Variants in XKR6 observed in about 807,000 individuals in gnomAD.
XKR6 encodes XK related 6, also known as XK-related protein 6.
A neutral mutation model predicts 56.7 loss-of-function variants in XKR6; 22 were observed. The ratio of observed to expected loss-of-function variants is 0.39; its 90% CI spans 0.28 to 0.55. XKR6 has a LOEUF of 0.55. Among genes scored for constraint, XKR6 ranks in the 20% least tolerant of loss-of-function variants. The probability of loss-of-function intolerance (pLI) is 0.66; values close to 1 mark genes in which losing one functional copy is unlikely to be tolerated. For missense variants in XKR6, 852 were observed against 889.0 expected (o/e 0.96, Z 0.53); for synonymous variants, 524 against 387.8 (o/e 1.35, Z -4.13).
At chr8:11,016,407 G>A (rs1024128694) in intron 1 of XKR6, among the ~76,000 whole-genome samples, 7 of 152,222 alleles carry the variant, frequency 4.6e-5, no homozygotes, top group African/African-American at 1.4e-4. Flanking sequence ...GGGTCCTAGT[G>A]CCACCGGACG....
At chr8:11,088,274 A>G (rs1797957009) in intron 1 of XKR6, among the ~76,000 whole-genome samples, 1 of 152,230 alleles carries the variant, frequency 6.6e-6, no homozygotes, top group Non-Finnish European at 1.5e-5. Flanking sequence ...AGGATTTCAC[A>G]GAAACCCAAT....
chr8:10,950,151 G>C (rs902263676), intron 1 of XKR6, among the ~76,000 whole-genome samples: 6 of 152,288 alleles, frequency 3.9e-5, no homozygotes, highest in African/African-American at 1.4e-4. Flanking sequence ...GGGAGGGGCA[G>C]CTTCCCAACA....
At chr8:11,145,568 A>C (rs1353958963) in intron 1 of XKR6, among the ~76,000 whole-genome samples, 1 of 152,230 alleles carries the variant, frequency 6.6e-6, no homozygotes, top group African/African-American at 2.4e-5. Context: ...ATTTCTATAA[A>C]AATAAACTAA....
chr8:11,147,854 C>G (rs939055219), intron 1 of XKR6, among the ~76,000 whole-genome samples: 2 of 152,064 alleles, frequency 1.3e-5, no homozygotes, highest in African/African-American at 2.4e-5. Flanking sequence ...ATAGGAAGGC[C>G]TAATTCCCAG....
intron 1 of XKR6, among the ~76,000 whole-genome samples, chr8:10,954,988 T>A (rs1801839936): frequency 1.3e-5 from 2 of 151,236 alleles, no homozygotes; most frequent in African/African-American, 4.9e-5. Flanking sequence ...CCAGCCTCAG[T>A]CTCCCGAGTA....
At chr8:11,111,884 A>T (rs1010087954) in intron 1 of XKR6, 7 of 152,240 alleles carry the variant, frequency 4.6e-5, no homozygotes, top group African/African-American at 1.7e-4. Context: ...ACCAAAAAAA[A>T]TTGCAAACCT....
intron 1 of XKR6, chr8:11,138,174 T>C (rs1433504356): frequency 1.3e-5 from 2 of 158,604 alleles, no homozygotes; most frequent in African/African-American, 2.4e-5. Context: ...AATGCAAAGA[T>C]CATACGAAAA....
chr8:11,035,240 G>A (rs1013579990), intron 1 of XKR6: 8 of 534,632 alleles, frequency 1.5e-5, no homozygotes, highest in South Asian at 7.0e-5. Context: ...CAACGATGAC[G>A]TAGCACCCCA....
chr8:10,987,333 A>G (rs1466209992), intron 1 of XKR6, among the ~76,000 whole-genome samples: 1 of 152,212 alleles, frequency 6.6e-6, no homozygotes, highest in Non-Finnish European at 1.5e-5. Context: ...CCACTGGATA[A>G]GAGCAGAATC....
chr8:11,049,418 G>A lies in XKR6; in HGVS notation c.765-124588C>T, dbSNP rs1430320290. 2.6e-5 allele frequency among the ~76,000 whole-genome samples: 4 copies of A among 152,178 alleles called. No homozygotes were observed. The East Asian group carries it at 5.8e-4, about 22-fold the overall frequency. ...ACAGGTGGATGCCTGATGGAACACA[G>A]CCCCTGACCCGGGGCTGGCTGCTCC... On this transcript the variant is annotated intron_variant, in intron 1 of 2. Transcript: ENST00000416569.
chr8:10,980,200 C>T (rs1586386086), intron 1 of XKR6, among the ~76,000 whole-genome samples: 1 of 152,266 alleles, frequency 6.6e-6, no homozygotes, highest in African/African-American at 2.4e-5. Context: ...CTGAGAGGGG[C>T]CTTCCAGGCA....
chr8:10,910,304 C>T (rs1800314604), intron 2 of XKR6, among the ~76,000 whole-genome samples: 1 of 151,330 alleles, frequency 6.6e-6, no homozygotes, highest in African/African-American at 2.4e-5. Context: ...TAGACAGGAA[C>T]TTGGCTGTGC....
chr8:10,925,530 C>T (rs2129117535), intron 1 of XKR6, among the ~76,000 whole-genome samples: 1 of 152,312 alleles, frequency 6.6e-6, no homozygotes, highest in African/African-American at 2.4e-5. Context: ...GACACAGGAG[C>T]AGATCCGCTG....
At chr8:11,160,648 G>T (rs903366488) in intron 1 of XKR6, among the ~76,000 whole-genome samples, 1 of 152,026 alleles carries the variant, frequency 6.6e-6, no homozygotes, top group Non-Finnish European at 1.5e-5. Context: ...GGTGGCTCAC[G>T]CCTGTAAACC....
At chr8:11,026,643 T>C (rs1238337963) in intron 1 of XKR6, among the ~76,000 whole-genome samples, 2 of 151,008 alleles carry the variant, frequency 1.3e-5, no homozygotes, top group Non-Finnish European at 3.0e-5. Flanking sequence ...CACACCTAGA[T>C]GGTCTAGCCT....
At chr8:11,079,345 T>C (rs12542383) in intron 1 of XKR6, among the ~76,000 whole-genome samples, 33,792 of 152,246 alleles carry the variant, frequency 0.22, 4,170 homozygotes, top group African/African-American at 0.32. Context: ...ATAGAGTAAG[T>C]GCAGCTTTTA....
rs2117172325 is a variant in XKR6, at chr8:11,200,424, C to T, written c.764+152G>A. 1.8e-6 allele frequency: 2 copies of T among 1,082,596 alleles called. No individual in the cohort carries two copies. Among genetic ancestry groups the T allele is most frequent in the Non-Finnish European group, 1.2e-6 (1 of 825,038 alleles). 67.1% of individuals were successfully genotyped at this position (1,082,596 alleles called of 1,614,324 possible). ...GTGGCCAGGGATCCAGATCAAACGC[C>T]GGTCTTTTGGAGACGCCAGGGGCGG... On this transcript the variant is annotated intron_variant, in intron 1 of 2. Coordinates refer to ENST00000416569, the MANE Select transcript of XKR6 (RefSeq NM_173683.4). The surrounding 1 kb of genome is among the most constrained non-coding windows in gnomAD (Gnocchi z 6.4).
At chr8:10,966,391 C>T (rs961293131) in intron 1 of XKR6, among the ~76,000 whole-genome samples, 1 of 152,158 alleles carries the variant, frequency 6.6e-6, no homozygotes. Flanking sequence ...CAAGTTAGGC[C>T]GGGCATGGTG....
intron 1 of XKR6, among the ~76,000 whole-genome samples, chr8:11,186,073 C>T (rs187613351): frequency 6.8e-4 from 104 of 152,210 alleles, no homozygotes; most frequent in Non-Finnish European, 1.2e-3. Context: ...AAAAAGCTTG[C>T]CAAGTCCCGA....
Sources: gnomAD v4.1 joint callset for allele counts (sites outside exome capture counted in the v4.1 genomes callset) on GRCh38, gnomAD v4.1.1 for gene constraint, Gnocchi (gnomAD v3.1) non-coding constraint, MANE v1.5 for transcripts, NCBI Gene and HGNC (gene_info 2026-07-23, HGNC 2026-07-21) for gene names.